ZFAT: variants seen among roughly 807,000 people sequenced by gnomAD.
The protein encoded by ZFAT is zinc finger protein ZFAT.
A neutral mutation model predicts 117.7 loss-of-function variants in ZFAT; 64 were observed. The ratio of observed to expected loss-of-function variants is 0.54; its 90% CI spans 0.44 to 0.67. ZFAT has a LOEUF of 0.67. Ranked by LOEUF, ZFAT falls within the 30% of genes least tolerant of loss-of-function variation. The pLI, the probability that ZFAT is intolerant of heterozygous loss-of-function variation, is 0.00. For synonymous variants in ZFAT, 679 were observed against 615.0 expected (o/e 1.10, Z -1.54); for missense variants, 1,433 against 1,584.5 (o/e 0.90, Z 1.62).
At chr8:134,658,558 T>C (rs1831765155) in intron 1 of ZFAT, among the ~76,000 whole-genome samples, 2 of 152,160 alleles carry the variant, frequency 1.3e-5, no homozygotes, top group South Asian at 2.1e-4. Context: ...AGCACTCTCA[T>C]TGTTCAAAAA....
intron 15 of ZFAT, among the ~76,000 whole-genome samples, chr8:134,481,695 C>A (rs1279996045): frequency 6.6e-6 from 1 of 152,216 alleles, no homozygotes; most frequent in Non-Finnish European, 1.5e-5. Flanking sequence ...TCAGAACCAG[C>A]CAGGAGGAAG....
At chr8:134,806,631 T>A in the ZFAT span, among the ~76,000 whole-genome samples, 1 of 152,212 alleles carries the variant, frequency 6.6e-6, no homozygotes, top group Admixed American at 6.5e-5. Context: ...CTCAGTTTAA[T>A]TTTTTTAAAG....
At chr8:134,744,890 C>T in the ZFAT span, among the ~76,000 whole-genome samples, 7 of 151,938 alleles carry the variant, frequency 4.6e-5, no homozygotes, top group Non-Finnish European at 7.4e-5. Flanking sequence ...CCACCAGGCC[C>T]GGCTACTTTT....
chr8:134,513,261 G>A (rs963960508), intron 13 of ZFAT, among the ~76,000 whole-genome samples: 1 of 150,670 alleles, frequency 6.6e-6, no homozygotes, highest in South Asian at 2.1e-4. Flanking sequence ...GCGGTGGCGC[G>A]ATCTCAGCTC....
At chr8:134,727,241 C>A in the ZFAT span, among the ~76,000 whole-genome samples, 1 of 151,998 alleles carries the variant, frequency 6.6e-6, no homozygotes, top group African/African-American at 2.4e-5. Flanking sequence ...TGCAAGTAGG[C>A]GACATTTGAG....
At chr8:134,782,861 T>C in the ZFAT span, among the ~76,000 whole-genome samples, 1 of 152,092 alleles carries the variant, frequency 6.6e-6, no homozygotes, top group Non-Finnish European at 1.5e-5. Flanking sequence ...CCTGCATCTC[T>C]TTTTAAGAAA....
At chr8:134,513,456 A>G (rs1820010807) in intron 13 of ZFAT, among the ~76,000 whole-genome samples, 1 of 152,184 alleles carries the variant, frequency 6.6e-6, no homozygotes, top group Admixed American at 6.5e-5. Flanking sequence ...TACAGGTGTG[A>G]GCCACCACGC....
the ZFAT span, among the ~76,000 whole-genome samples, chr8:134,754,485 G>T: frequency 6.6e-6 from 1 of 152,202 alleles, no homozygotes; most frequent in African/African-American, 2.4e-5. Flanking sequence ...TGGGCTGCCG[G>T]TCACACAGAC....
At chr8:134,545,155 G>A (rs1822595057) in intron 11 of ZFAT, among the ~76,000 whole-genome samples, 3 of 152,164 alleles carry the variant, frequency 2.0e-5, no homozygotes. Flanking sequence ...GGGTGAACTA[G>A]GGCTACATGT....
the ZFAT span, among the ~76,000 whole-genome samples, chr8:134,827,124 T>C: frequency 6.6e-6 from 1 of 152,134 alleles, no homozygotes; most frequent in Non-Finnish European, 1.5e-5. Context: ...TGATCTCGGC[T>C]CACTGCAGCC....
chr8:134,813,708 G>T, the ZFAT span, among the ~76,000 whole-genome samples: 1 of 152,046 alleles, frequency 6.6e-6, no homozygotes, highest in Non-Finnish European at 1.5e-5. Flanking sequence ...GTGAGCCACC[G>T]TGCCTGGCCT....
rs1831199215 is a variant in ZFAT, at chr8:134,650,949, C to A, written c.196+6612G>T. Among the ~76,000 whole-genome samples, 3 of 152,198 alleles carry A rather than the reference C, an allele frequency of 2.0e-5. No individual in the cohort carries two copies. In the South Asian group the frequency reaches 6.2e-4, roughly 31 times the overall value. ...TTAAATGCTTAACATCATTAATCAT[C>A]AAAAATGCAAACCAAAACCACAATG... On this transcript the variant is annotated intron_variant, in intron 2 of 15. Transcript: ENST00000377838.
At chr8:134,624,286 C>T (rs1829345060) in intron 3 of ZFAT, among the ~76,000 whole-genome samples, 2 of 152,118 alleles carry the variant, frequency 1.3e-5, no homozygotes, top group Admixed American at 1.3e-4. Flanking sequence ...CAAAATCTCT[C>T]AAGTAAGTTC....
chr8:134,826,693 AGTT>A, the ZFAT span, among the ~76,000 whole-genome samples: 5 of 152,362 alleles, frequency 3.3e-5, no homozygotes, highest in Non-Finnish European at 7.3e-5. Context: ...TACTGTGCTT[AGTT>A]GTCCCCACAG....
chr8:134,532,928 G>C lies in ZFAT; in HGVS notation c.3021C>G (p.Gly1007=). 1 of 1,609,206 alleles carries C rather than the reference G, an allele frequency of 6.2e-7. No homozygotes were observed. Among genetic ancestry groups the C allele is most frequent in the South Asian group, 1.1e-5 (1 of 89,734 alleles). ...AHCHYSCNIS[G]SLKRHYNRKH... Reference sequence around the variant, plus strand: ...TCCTGTTGTAGTGCCGCTTCAGAGAGCCAGATATGTTGCAGGAGTAATGGC... The same window carrying C: ...TCCTGTTGTAGTGCCGCTTCAGAGACCCAGATATGTTGCAGGAGTAATGGC... The change falls in exon 12 of 16, where the codon GGC becomes GGG. Residue 1007 remains glycine (G), a synonymous_variant. Coordinates refer to ENST00000377838, the MANE Select transcript of ZFAT (RefSeq NM_020863.4).
the ZFAT span, among the ~76,000 whole-genome samples, chr8:134,806,031 G>A: frequency 6.6e-6 from 1 of 151,914 alleles, no homozygotes; most frequent in Non-Finnish European, 1.5e-5. Context: ...TTCTTTTGGG[G>A]AAAAAAACTA....
chr8:134,527,377 A>G (rs1158002672), intron 12 of ZFAT, among the ~76,000 whole-genome samples: 1 of 152,250 alleles, frequency 6.6e-6, no homozygotes, highest in Non-Finnish European at 1.5e-5. Context: ...GCTACAGGCA[A>G]CTAACACAGG....
At chr8:134,611,848 A>G (rs1461448616) in intron 3 of ZFAT, among the ~76,000 whole-genome samples, 1 of 152,246 alleles carries the variant, frequency 6.6e-6, no homozygotes, top group African/African-American at 2.4e-5. Flanking sequence ...TGCTGCAGAC[A>G]GCAAAGTCAA....
chr8:134,614,117 T>C (rs1187772712), intron 3 of ZFAT, among the ~76,000 whole-genome samples: 1 of 152,214 alleles, frequency 6.6e-6, no homozygotes, highest in South Asian at 2.1e-4. Flanking sequence ...TCCTGTCACT[T>C]GCCTGCTTAA....
Sources: allele counts gnomAD v4.1 joint callset (sites outside exome capture counted in the v4.1 genomes callset), GRCh38; gene constraint gnomAD v4.1.1; transcripts MANE v1.5; gene names NCBI Gene and HGNC (gene_info 2026-07-23, HGNC 2026-07-21).